The following RP1 variants were observed in gnomAD, a reference collection of about 807,000 sequenced individuals.
RP1 encodes RP1 axonemal microtubule associated.
RP1 carries 16 observed loss-of-function variants against 14.8 expected under a neutral mutation model. The observed-to-expected ratio is 1.08, with a 90% CI of 0.73 to 1.65. The LOEUF (loss-of-function observed/expected upper bound fraction) is 1.65. Among genes scored for constraint, RP1 ranks in the 40% most tolerant of loss-of-function variants. The pLI is 0.00. For missense variants in RP1, 2,631 were observed against 2,535.0 expected, an observed-to-expected ratio of 1.04 and a Z score of -0.81; for synonymous variants, 876 against 883.6, an observed-to-expected ratio of 0.99 and a Z score of 0.15.
chr8:54,568,692 G>T (rs922884124), intron 1 of RP1, among the ~76,000 whole-genome samples: 4 of 152,242 alleles, frequency 2.6e-5, no homozygotes, highest in African/African-American at 9.6e-5. Context: ...ATGCTTTCAA[G>T]TTCCCTAGTA....
intron 22 of RP1, among the ~76,000 whole-genome samples, chr8:54,765,269 G>C (rs1198870265): frequency 6.6e-6 from 1 of 152,262 alleles, no homozygotes; most frequent in Non-Finnish European, 1.5e-5. Flanking sequence ...CTCTTAGGAG[G>C]TTGTAATCAA....
intron 19 of RP1, among the ~76,000 whole-genome samples, chr8:54,752,166 G>C (rs528045510): frequency 6.6e-6 from 1 of 152,292 alleles, no homozygotes; most frequent in Non-Finnish European, 1.5e-5. Flanking sequence ...AAATAAACAA[G>C]AGTTAAATTT....
chr8:54,788,470 C>A (rs559552073), intron 24 of RP1, among the ~76,000 whole-genome samples: 2 of 150,678 alleles, frequency 1.3e-5, no homozygotes, highest in African/African-American at 4.9e-5. Flanking sequence ...CCATTCTTTC[C>A]TTTTTTTTTG....
Position 54,701,449 on chromosome 8 carries a change from T to C in RP1, c.1822-37T>C, listed in dbSNP as rs1344299170. On this transcript the variant is annotated intron_variant, in intron 13 of 22. Coordinates refer to the RP1 transcript ENST00000636932. Reference sequence around the variant, plus strand: ...GATTACATTAAATTTTTTTTTTCTGTTACTAATTTAGAGGGTTTTTTTGTT... The same window carrying C: ...GATTACATTAAATTTTTTTTTTCTGCTACTAATTTAGAGGGTTTTTTTGTT... The C allele has an allele frequency of 2.0e-6, 3 of 1,477,198 alleles. No homozygotes were observed. The East Asian group carries it at 7.5e-5, about 37-fold the overall frequency. 91.5% of individuals were successfully genotyped at this position (1,477,198 alleles called of 1,614,324 possible).
chr8:54,859,790 GC>G (rs1812299456), intron 27 of RP1, among the ~76,000 whole-genome samples: 2 of 152,158 alleles, frequency 1.3e-5, no homozygotes, highest in African/African-American at 4.8e-5. Flanking sequence ...GTGATTTCCT[GC>G]TTTTGCCCCA....
chr8:54,699,702 C>T (rs756933615), intron 13 of RP1: 4 of 416,562 alleles, frequency 9.6e-6, no homozygotes, highest in Non-Finnish European at 1.6e-5. Context: ...TGTTTTGTTT[C>T]ACTAATTGTT....
intron 25 of RP1, among the ~76,000 whole-genome samples, chr8:54,846,285 T>C (rs1811918154): frequency 6.6e-6 from 1 of 152,238 alleles, no homozygotes; most frequent in Non-Finnish European, 1.5e-5. Context: ...CTAGACATGG[T>C]CCAGGTTACT....
intron 1 of RP1, among the ~76,000 whole-genome samples, chr8:54,593,530 C>G (rs963681457): frequency 4.6e-5 from 7 of 152,166 alleles, no homozygotes; most frequent in African/African-American, 1.7e-4. Flanking sequence ...TCTCTGACAT[C>G]AGCAATTTAT....
intron 4 of RP1, among the ~76,000 whole-genome samples, chr8:54,649,802 A>G (rs1357692581): frequency 1.3e-5 from 2 of 152,174 alleles, no homozygotes; most frequent in Non-Finnish European, 2.9e-5. Flanking sequence ...CTCCTTAAGT[A>G]TTGCAAGTCT....
intron 1 of RP1, among the ~76,000 whole-genome samples, chr8:54,577,521 A>G (rs1256599290): frequency 6.6e-6 from 1 of 152,082 alleles, no homozygotes; most frequent in Non-Finnish European, 1.5e-5. Flanking sequence ...TGCTTATGAA[A>G]TTTTGAGAAT....
At chr8:54,797,614 T>A (rs1400648680) in intron 24 of RP1, among the ~76,000 whole-genome samples, 1 of 152,010 alleles carries the variant, frequency 6.6e-6, no homozygotes, top group East Asian at 1.9e-4. Context: ...CCATGCTTAT[T>A]CACATCTGAT....
chr8:54,865,936 T>C, intron 28 of RP1: 1 of 1,023,984 alleles, frequency 9.8e-7, no homozygotes, highest in East Asian at 3.3e-5. Flanking sequence ...TAATGCATTA[T>C]TATGCAAAAT....
intron 1 of RP1, among the ~76,000 whole-genome samples, chr8:54,605,401 A>G (rs989152985): frequency 3.9e-5 from 6 of 152,146 alleles, no homozygotes; most frequent in African/African-American, 1.4e-4. Context: ...GTGGTCTGAG[A>G]GAGAGTTTGT....
chr8:54,775,753 T>C (rs183640111), intron 23 of RP1, among the ~76,000 whole-genome samples: 22 of 152,354 alleles, frequency 1.4e-4, no homozygotes, highest in Non-Finnish European at 2.4e-4. Flanking sequence ...TAGATCATGG[T>C]AGCAGTAGAA....
At chr8:54,691,078 C>G (rs1807699426) in intron 12 of RP1, among the ~76,000 whole-genome samples, 2 of 151,908 alleles carry the variant, frequency 1.3e-5, no homozygotes, top group African/African-American at 4.8e-5. Flanking sequence ...GAGAGATAGC[C>G]ACGAATGGAT....
chr8:54,621,732 G>A, intron 2 of RP1, 151 bp downstream of exon 2: 1 of 1,177,872 alleles, frequency 8.5e-7, no homozygotes, highest in South Asian at 1.3e-5. Context: ...TGCTGCCTTT[G>A]TTCCTTTGTC....
At chr8:54,780,474 C>G (rs1810159401) in intron 23 of RP1, among the ~76,000 whole-genome samples, 1 of 152,302 alleles carries the variant, frequency 6.6e-6, no homozygotes, top group East Asian at 1.9e-4. Flanking sequence ...GTCAACTTGT[C>G]AACAGATATT....
intron 1 of RP1, among the ~76,000 whole-genome samples, chr8:54,571,313 T>C (rs1254644736): frequency 6.6e-6 from 1 of 152,200 alleles, no homozygotes. Context: ...TGCAGTCACT[T>C]TTATAGAGCT....
At chr8:54,645,965 A>C (rs984772388) in intron 3 of RP1, among the ~76,000 whole-genome samples, 4 of 152,136 alleles carry the variant, frequency 2.6e-5, no homozygotes, top group African/African-American at 9.7e-5. Context: ...TAAAGAAAAA[A>C]GGAGCTGTTT....
Sources: gnomAD v4.1 joint callset for allele counts (sites outside exome capture counted in the v4.1 genomes callset) on GRCh38, gnomAD v4.1.1 for gene constraint, MANE v1.5 for transcripts, NCBI Gene and HGNC (gene_info 2026-07-23, HGNC 2026-07-21) for gene names.